Variants in NOX4 observed in about 807,000 individuals in gnomAD.
NOX4 encodes NADPH oxidase 4.
In NOX4, 69 loss-of-function variants were observed where a neutral mutation model predicts 87.6. The observed-to-expected ratio is 0.79, with a 90% CI of 0.65 to 0.96. The LOEUF is 0.96. Among genes scored for constraint, NOX4 ranks in the 40% least tolerant of loss-of-function variants. The pLI is 0.00. For missense variants in NOX4, 680 were observed against 681.5 expected, an observed-to-expected ratio of 1.00 and a Z score of 0.02; for synonymous variants, 275 against 238.2, an observed-to-expected ratio of 1.15 and a Z score of -1.42.
intron 6 of NOX4, among the ~76,000 whole-genome samples, chr11:89,438,867 AT>A (rs373046507): frequency 0.089 from 559 of 6,256 alleles, 9 homozygotes; most frequent in Non-Finnish European, 0.12. Context: ...ATTATATATT[AT>A]ATATATAATA....
intron 8 of NOX4, among the ~76,000 whole-genome samples, chr11:89,405,933 A>G (rs1942153708): frequency 6.6e-6 from 1 of 151,844 alleles, no homozygotes; most frequent in Non-Finnish European, 1.5e-5. Context: ...TATCCACACT[A>G]CTTTATGGAC....
intron 17 of NOX4, among the ~76,000 whole-genome samples, chr11:89,330,523 G>C (rs1358584201): frequency 6.6e-6 from 1 of 151,556 alleles, no homozygotes; most frequent in Admixed American, 6.6e-5. Context: ...TGATTTGGCA[G>C]ATCTTGGATA....
At chr11:89,395,738 C>A (rs1457592353) in intron 11 of NOX4, among the ~76,000 whole-genome samples, 1 of 152,130 alleles carries the variant, frequency 6.6e-6, no homozygotes, top group Admixed American at 6.6e-5. Flanking sequence ...CCAATTTTCC[C>A]AGCTCCATTT....
At chr11:89,572,165 A>G in the NOX4 span, among the ~76,000 whole-genome samples, 1 of 152,228 alleles carries the variant, frequency 6.6e-6, no homozygotes, top group East Asian at 1.9e-4. Context: ...ACATGTCTTC[A>G]GGACCTCCTG....
Position 89,326,853 on chromosome 11 carries a change from C to A in NOX4, c.1640G>T (p.Cys547Phe). The change falls in exon 18 of 18, where the codon TGT (cysteine) becomes TTT (phenylalanine). Residue 547 changes from cysteine to phenylalanine, a missense_variant. By Grantham distance (205) the Cys-to-Phe change is radical. Coordinates refer to ENST00000263317, the MANE Select transcript of NOX4 (RefSeq NM_016931.5). ...NRGKTVGVFCCGPNSLSKTLH... is the reference protein window; with the variant it reads ...NRGKTVGVFCFGPNSLSKTLH... ...AGTCTTGGATAGTGAATTGGGTCCACAACAGAAAACACCAACTGTTTTTCT... is the reference window on the plus strand; with the variant it reads ...AGTCTTGGATAGTGAATTGGGTCCAAAACAGAAAACACCAACTGTTTTTCT... The A allele has an allele frequency of 1.2e-6, 2 of 1,613,104 alleles. No homozygotes were observed. Among genetic ancestry groups the A allele is most frequent in the Non-Finnish European group, 1.7e-6 (2 of 1,179,492 alleles).
intron 8 of NOX4, among the ~76,000 whole-genome samples, chr11:89,419,413 A>C (rs1479375538): frequency 1.3e-5 from 2 of 152,084 alleles, no homozygotes; most frequent in Admixed American, 6.6e-5. Flanking sequence ...CCAATCCTTC[A>C]TCAGTATAGT....
chr11:89,538,794 C>T, the NOX4 span, among the ~76,000 whole-genome samples: 1 of 151,948 alleles, frequency 6.6e-6, no homozygotes, highest in Admixed American at 6.6e-5. Context: ...CTTATCTCTG[C>T]TCCATGATAT....
chr11:89,515,996 G>T, the NOX4 span, among the ~76,000 whole-genome samples: 1 of 151,856 alleles, frequency 6.6e-6, no homozygotes, highest in Admixed American at 6.6e-5. Flanking sequence ...CTAACAATTT[G>T]CATTGGCTTT....
chr11:89,436,240 T>C (rs1944076632), intron 6 of NOX4, among the ~76,000 whole-genome samples: 1 of 152,182 alleles, frequency 6.6e-6, no homozygotes, highest in Admixed American at 6.6e-5. Context: ...CATTAAGTGC[T>C]GTAAAGAGAG....
intron 2 of NOX4, among the ~76,000 whole-genome samples, chr11:89,483,763 C>CA (rs1461648934): frequency 6.6e-6 from 1 of 151,754 alleles, no homozygotes; most frequent in African/African-American, 2.4e-5. Context: ...GCTTTTATCA[C>CA]AAAAAAAGAT....
chr11:89,520,008 T>C, the NOX4 span, among the ~76,000 whole-genome samples: 2 of 152,010 alleles, frequency 1.3e-5, no homozygotes, highest in African/African-American at 4.8e-5. Flanking sequence ...GTTCATTACT[T>C]GGACCAATTA....
chr11:89,516,687 G>A, the NOX4 span, among the ~76,000 whole-genome samples: 1 of 151,998 alleles, frequency 6.6e-6, no homozygotes, highest in African/African-American at 2.4e-5. Flanking sequence ...TGTCAAAGTG[G>A]TATTTGTGCA....
At position 89,418,325 on chromosome 11, in the gene NOX4, G is replaced by A. The variant is rs532033901; in HGVS notation, c.629+3577C>T. ...TTAGTGGTTAAGAATGTTAATTTTG[G>A]TACCTGATACCTGGGTTCAAACTGG... On this transcript the variant is annotated intron_variant, in intron 8 of 17. Transcript: ENST00000263317. Among the ~76,000 whole-genome samples the A allele has an allele frequency of 4.0e-5, 6 of 151,294 alleles. No homozygotes were observed. In the East Asian group the frequency reaches 1.2e-3, roughly 29 times the overall value.
chr11:89,400,404 C>G (rs369865996), intron 9 of NOX4, 25 bp from the exon 10 acceptor site: 1 of 1,540,230 alleles, frequency 6.5e-7, no homozygotes, highest in Non-Finnish European at 8.8e-7. Flanking sequence ...TGAAAATATA[C>G]TTCAAGAAAT....
intron 2 of NOX4, among the ~76,000 whole-genome samples, chr11:89,480,539 G>C (rs1394455071): frequency 6.6e-6 from 1 of 152,124 alleles, no homozygotes; most frequent in African/African-American, 2.4e-5. Context: ...AGGCTGTGAA[G>C]GATAAGAGCA....
chr11:89,349,450 A>C (rs1481883169), intron 13 of NOX4, among the ~76,000 whole-genome samples: 1 of 152,188 alleles, frequency 6.6e-6, no homozygotes, highest in Non-Finnish European at 1.5e-5. Context: ...AAGGAGGATA[A>C]GCTGGAGAAC....
the NOX4 span, among the ~76,000 whole-genome samples, chr11:89,532,892 T>C: frequency 2.0e-5 from 3 of 152,134 alleles, no homozygotes; most frequent in Admixed American, 6.5e-5. Flanking sequence ...CTGCTCACTC[T>C]TCCTCTCTCC....
chr11:89,422,957 G>A (rs781645200), intron 7 of NOX4, among the ~76,000 whole-genome samples: 13 of 151,838 alleles, frequency 8.6e-5, no homozygotes, highest in Non-Finnish European at 1.9e-4. Flanking sequence ...TCGCCACCAT[G>A]ACCAGCTAAT....
chr11:89,495,538 C>T (rs896270863), upstream of NOX4, among the ~76,000 whole-genome samples: 2 of 152,124 alleles, frequency 1.3e-5, no homozygotes, highest in Non-Finnish European at 2.9e-5. Flanking sequence ...ATCACTTCTG[C>T]AAAGTCCCTT....
Sources: gnomAD v4.1 joint callset for allele counts (sites outside exome capture counted in the v4.1 genomes callset) on GRCh38, gnomAD v4.1.1 for gene constraint, MANE v1.5 for transcripts, NCBI Gene and HGNC (gene_info 2026-07-23, HGNC 2026-07-21) for gene names.